The following ASPH variants were observed in gnomAD, a reference collection of about 807,000 sequenced individuals.
The protein encoded by ASPH is aspartyl/asparaginyl beta-hydroxylase.
ASPH carries 100 observed loss-of-function variants against 118.4 expected under a neutral mutation model. That is an observed-to-expected ratio of 0.84 (90% CI 0.72 to 1.00). The LOEUF is 1.00. Ranked by LOEUF, ASPH falls within the 50% of genes least tolerant of loss-of-function variation. The probability of loss-of-function intolerance (pLI) is 0.00; values close to 1 mark genes in which losing one functional copy is unlikely to be tolerated. For synonymous variants in ASPH, 315 were observed against 325.6 expected, an observed-to-expected ratio of 0.97 and a Z score of 0.35; for missense variants, 920 against 919.5, an observed-to-expected ratio of 1.00 and a Z score of -0.01.
In ASPH at chr8:61,567,185, T is replaced by C; in HGVS notation, c.1283A>G (p.Asp428Gly). ...LLKLSLKRRS[D>G]RQQFLGHMRG... ...CATCTTACCTAGAAATTGTTGCCTG[T>C]CTGAGCGACGCTTCAAACTCAGCTT... Residue 428 changes from aspartate (D) to glycine (G), a missense_variant, in exon 17 of 25, where the codon GAC (aspartate) becomes GGC (glycine). By Grantham distance (94) the Asp-to-Gly change is moderately conservative. Transcript: ENST00000379454. 1 of 1,613,740 alleles carries C rather than the reference T, an allele frequency of 6.2e-7. No individual in the cohort carries two copies. The highest frequency in any genetic ancestry group is 8.5e-7 in the Non-Finnish European group (1 of 1,179,866).
intron 1 of ASPH, among the ~76,000 whole-genome samples, chr8:61,703,122 C>A (rs1835683840): frequency 6.6e-6 from 1 of 152,168 alleles, no homozygotes; most frequent in South Asian, 2.1e-4. Flanking sequence ...AAATTCTCAA[C>A]CTAGAAATAC....
intron 1 of ASPH, among the ~76,000 whole-genome samples, chr8:61,698,847 C>G (rs772164687): frequency 6.6e-6 from 1 of 152,194 alleles, no homozygotes; most frequent in Non-Finnish European, 1.5e-5. Context: ...CAAGCTCTTA[C>G]TAAATAAATT....
chr8:61,709,257 G>T (rs1275277837), intron 1 of ASPH, among the ~76,000 whole-genome samples: 1 of 151,942 alleles, frequency 6.6e-6, no homozygotes, highest in East Asian at 1.9e-4. Context: ...CACATCAGGG[G>T]AATAAAATAC....
intron 3 of ASPH, chr8:61,664,294 T>C: frequency 1.0e-6 from 1 of 968,658 alleles, no homozygotes; most frequent in Non-Finnish European, 1.2e-6. Flanking sequence ...CACAATCAAA[T>C]ATGAAAAATG....
At chr8:61,713,807 C>A (rs1400436061) in intron 1 of ASPH, among the ~76,000 whole-genome samples, 2 of 152,246 alleles carry the variant, frequency 1.3e-5, no homozygotes, top group African/African-American at 4.8e-5. Context: ...CTCCCCCTGC[C>A]CCCCGGCGCC....
intron 18 of ASPH, among the ~76,000 whole-genome samples, chr8:61,562,149 C>T (rs1232075478): frequency 6.6e-6 from 1 of 152,116 alleles, no homozygotes; most frequent in Non-Finnish European, 1.5e-5. Context: ...ATGAATTCCT[C>T]CACTGCCTAA....
chr8:61,565,286 T>A (rs1352436014), intron 17 of ASPH, among the ~76,000 whole-genome samples: 1 of 152,222 alleles, frequency 6.6e-6, no homozygotes. Flanking sequence ...CCAGTAAATT[T>A]TTTTTAGAGT....
At chr8:61,577,399 C>CAAAAAAAAAAAAAAAAAAA (rs775523503) in intron 15 of ASPH, among the ~76,000 whole-genome samples, 2 of 23,290 alleles carry the variant, frequency 8.6e-5, no homozygotes, top group Non-Finnish European at 1.5e-4. Flanking sequence ...CCCAATCTCG[C>CAAAAAAAAAAAAAAAAAAA]AAAAAAAAAA....
Position 61,647,564 on chromosome 8 carries a change from G to A in ASPH, c.491-686C>T, listed in dbSNP as rs148811121. Among the ~76,000 whole-genome samples the A allele has an allele frequency of 3.9e-3, 588 of 152,202 alleles. 3 individuals carry two copies. Among genetic ancestry groups the A allele is most frequent in the Middle Eastern group, 0.024 (7 of 292 alleles). On this transcript the variant is annotated intron_variant, in intron 5 of 24. Coordinates refer to ENST00000379454, the MANE Select transcript of ASPH (RefSeq NM_004318.4). ...CACGTGCCTGTAGTCCCAGCTACTT[G>A]GGAGGCTGAGGCAGGAGAATCGCTT...
chr8:61,666,192 T>A (rs1307142877), intron 3 of ASPH, among the ~76,000 whole-genome samples: 1 of 152,206 alleles, frequency 6.6e-6, no homozygotes, highest in African/African-American at 2.4e-5. Flanking sequence ...AGAATTCTCT[T>A]TCTGCTTATA....
intron 22 of ASPH, among the ~76,000 whole-genome samples, chr8:61,525,041 T>C (rs1295305991): frequency 6.6e-6 from 1 of 152,238 alleles, no homozygotes; most frequent in African/African-American, 2.4e-5. Context: ...TCTCTTTAGA[T>C]GGAAGTATCC....
At chr8:61,633,301 G>A in intron 13 of ASPH, 1 of 160,620 alleles carries the variant, frequency 6.2e-6, no homozygotes, top group Non-Finnish European at 1.4e-5. Context: ...AGAGGAAGAG[G>A]AGTAATGTCA....
In ASPH at chr8:61,644,612, C is replaced by G. The variant is rs752226869; in HGVS notation, c.640G>C (p.Val214Leu). 1 of 1,584,260 alleles carries G rather than the reference C, an allele frequency of 6.3e-7. No individual in the cohort carries two copies. The highest frequency in any genetic ancestry group is 1.4e-5 in the African/African-American group (1 of 73,610). ...ATTAAAATCTCACCTGTCTCTTCCACGTGGTAACTATGCTCGGTTTCTGGA... is the reference window on the plus strand; with the variant it reads ...ATTAAAATCTCACCTGTCTCTTCCAGGTGGTAACTATGCTCGGTTTCTGGA... ...SHEETEHSYH[V>L]EETVSQDCNQ... The change falls in exon 7 of 25, where the codon GTG becomes CTG. Residue 214 changes from valine (V) to leucine (L), a missense_variant. By Grantham distance (32) the Val-to-Leu change is conservative. Transcript: ENST00000379454.
chr8:61,590,745 T>C (rs1007909792), intron 14 of ASPH, among the ~76,000 whole-genome samples: 5 of 152,208 alleles, frequency 3.3e-5, no homozygotes, highest in Non-Finnish European at 5.9e-5. Flanking sequence ...ATTTCCTTTA[T>C]ATAGACTCTC....
chr8:61,683,858 G>T, intron 2 of ASPH, 181 bp downstream of exon 2: 2 of 664,424 alleles, frequency 3.0e-6, no homozygotes, highest in Non-Finnish European at 4.9e-6. Flanking sequence ...CATTTAAAGA[G>T]TTCAAAAGAC....
At chr8:61,521,482 C>T (rs961098073) in intron 22 of ASPH, among the ~76,000 whole-genome samples, 1 of 152,194 alleles carries the variant, frequency 6.6e-6, no homozygotes, top group African/African-American at 2.4e-5. Context: ...ACACATCACA[C>T]AGCTAACAAG....
At chr8:61,634,120 G>A (rs576422049) in intron 12 of ASPH, among the ~76,000 whole-genome samples, 2 of 152,306 alleles carry the variant, frequency 1.3e-5, no homozygotes, top group Admixed American at 6.5e-5. Context: ...TCATGAAGTT[G>A]TTTTAGAAAA....
At chr8:61,600,321 A>C (rs540418201) in intron 14 of ASPH, among the ~76,000 whole-genome samples, 1 of 147,752 alleles carries the variant, frequency 6.8e-6, no homozygotes, top group East Asian at 1.9e-4. Flanking sequence ...AACTGAAATA[A>C]GAAAAAGGTG....
chr8:61,586,403 C>A (rs1839462171), intron 14 of ASPH, among the ~76,000 whole-genome samples: 1 of 152,196 alleles, frequency 6.6e-6, no homozygotes, highest in Non-Finnish European at 1.5e-5. Flanking sequence ...CCTCACACAT[C>A]TATTCTTTTT....
Sources: allele counts gnomAD v4.1 joint callset (sites outside exome capture counted in the v4.1 genomes callset), GRCh38; gene constraint gnomAD v4.1.1; transcripts MANE v1.5; gene names NCBI Gene and HGNC (gene_info 2026-07-23, HGNC 2026-07-21).